The following KANK4 variants were observed in gnomAD, a reference collection of about 807,000 sequenced individuals.
KANK4 encodes the protein KN motif and ankyrin repeat domain-containing protein 4.
In KANK4, 50 loss-of-function variants were observed where a neutral mutation model predicts 80.8. The ratio of observed to expected loss-of-function variants is 0.62; its 90% CI spans 0.49 to 0.78. KANK4 has a LOEUF of 0.78. Among genes scored for constraint, KANK4 ranks in the 30% least tolerant of loss-of-function variants. The probability of loss-of-function intolerance (pLI) is 0.00; values close to 1 mark genes in which losing one functional copy is unlikely to be tolerated. For synonymous variants in KANK4, 465 were observed against 506.9 expected, an observed-to-expected ratio of 0.92 and a Z score of 1.11; for missense variants, 1,196 against 1,240.1, an observed-to-expected ratio of 0.96 and a Z score of 0.53.
chr1:62,249,181 A>G (rs1282246785), intron 8 of KANK4, among the ~76,000 whole-genome samples: 1 of 132,348 alleles, frequency 7.6e-6, no homozygotes, highest in African/African-American at 2.7e-5. Flanking sequence ...AAAAATTAAT[A>G]TAACAATGAT....
At chr1:62,299,750 T>C (rs929202889) in intron 1 of KANK4, among the ~76,000 whole-genome samples, 11 of 150,778 alleles carry the variant, frequency 7.3e-5, no homozygotes, top group African/African-American at 2.4e-4. Context: ...ATGGATTAAT[T>C]CATATTTTGA....
intron 8 of KANK4, 117 bp from the exon 9 acceptor site, chr1:62,247,789 C>G (rs1183832924): frequency 2.8e-5 from 23 of 834,912 alleles, no homozygotes; most frequent in Non-Finnish European, 3.5e-5. Flanking sequence ...ATTTGAATCT[C>G]CTGCCCTTGA....
rs1452798933 is a variant in KANK4 at position 62,237,244 on chromosome 1, A to C, written c.*1033T>G. On this transcript the variant is annotated 3_prime_UTR_variant, in exon 10 of 10. Coordinates refer to ENST00000371153, the MANE Select transcript of KANK4 (RefSeq NM_181712.5). ...AACCTTGCATGTGCTGGCCCCAGGG[A>C]ATATGGAAGCTTCGGAAGGTATTGC... is the stretch of plus-strand genomic sequence containing the variant. 6.6e-6 allele frequency: 1 copy of C among 150,382 alleles called. No individual in the cohort carries two copies. Among genetic ancestry groups the C allele is most frequent in the Non-Finnish European group, 1.5e-5 (1 of 67,876 alleles). 9.3% of individuals were successfully genotyped at this position (150,382 alleles called of 1,614,324 possible).
intron 1 of KANK4, among the ~76,000 whole-genome samples, chr1:62,300,841 C>A (rs1164312945): frequency 6.6e-6 from 1 of 152,070 alleles, no homozygotes; most frequent in Non-Finnish European, 1.5e-5. Flanking sequence ...GAACAACTGA[C>A]TTCAAGAGGG....
chr1:62,259,679 T>C (rs540789523), intron 7 of KANK4, among the ~76,000 whole-genome samples: 29 of 151,510 alleles, frequency 1.9e-4, no homozygotes, highest in African/African-American at 6.5e-4. Context: ...TAAAGTGGGA[T>C]AATCATCCTA....
intron 1 of KANK4, among the ~76,000 whole-genome samples, chr1:62,302,441 T>C (rs981564313): frequency 1.7e-4 from 26 of 152,076 alleles, no homozygotes; most frequent in African/African-American, 6.3e-4. Flanking sequence ...TTTATTATTT[T>C]ATTTCATATT....
At chr1:62,308,048 C>T (rs1429072436) in intron 1 of KANK4, among the ~76,000 whole-genome samples, 6 of 152,152 alleles carry the variant, frequency 3.9e-5, no homozygotes, top group Non-Finnish European at 8.8e-5. Context: ...GTAGGATGCC[C>T]TTTTTTGTCT....
chr1:62,309,291 C>T lies in KANK4; in HGVS notation c.-71+9815G>A, dbSNP rs59016937. Among the ~76,000 whole-genome samples, 276 of 152,294 alleles carry T rather than the reference C, an allele frequency of 1.8e-3. 2 individuals are homozygous for T. The highest frequency in any genetic ancestry group is 6.4e-3 in the African/African-American group (265 of 41,558). Reference sequence around the variant, plus strand: ...TCCACCTTCATGACCTAAGTTACCTCCCAAAGATTGCATGTCCTAATACCA... The same window carrying T: ...TCCACCTTCATGACCTAAGTTACCTTCCAAAGATTGCATGTCCTAATACCA... On this transcript the variant is annotated intron_variant, in intron 1 of 9. Transcript: ENST00000371153.
At chr1:62,267,621 G>A (rs904321369) in intron 5 of KANK4, among the ~76,000 whole-genome samples, 2 of 152,102 alleles carry the variant, frequency 1.3e-5, no homozygotes, top group Non-Finnish European at 2.9e-5. Flanking sequence ...CCAACATAGT[G>A]AAACCTCGTC....
chr1:62,273,373 G>A lies in KANK4; in HGVS notation c.1731C>T (p.Cys577=). 6.2e-7 allele frequency: 1 copy of A among 1,607,712 alleles called. No individual in the cohort carries two copies. The highest frequency in any genetic ancestry group is 1.3e-5 in the African/African-American group (1 of 74,910). ...IQELLQEQWN[C]LEHGYPELAS... ...CCAGCTCCGGGTACCCATGCTCCAG[G>A]CAGTTCCACTGCTCCTGCAGGAGCT... Residue 577 remains cysteine, a synonymous_variant, in exon 3 of 10, where the codon TGC becomes TGT. Coordinates refer to ENST00000371153, the MANE Select transcript of KANK4 (RefSeq NM_181712.5).
intron 1 of KANK4, among the ~76,000 whole-genome samples, chr1:62,316,023 G>C (rs1644537401): frequency 6.6e-6 from 1 of 152,234 alleles, no homozygotes; most frequent in East Asian, 1.9e-4. Flanking sequence ...GCTAAGAAAG[G>C]GGCCAGGCAG....
At position 62,273,411 on chromosome 1, in the gene KANK4, T is replaced by A; in HGVS notation, c.1693A>T (p.Lys565Ter). Residue 565 changes from lysine to a stop codon, truncating the protein, a stop_gained, in exon 3 of 10, where the codon AAG (lysine) becomes TAG (stop). Coordinates refer to ENST00000371153, the MANE Select transcript of KANK4 (RefSeq NM_181712.5). LOFTEE classifies it high-confidence loss of function. Reference sequence around the variant, plus strand: ...TCCTGCAGGAGCTCCTGGATCTTCTTCACATACTGCCCAATAGTGGCATCC... The same window carrying A: ...TCCTGCAGGAGCTCCTGGATCTTCTACACATACTGCCCAATAGTGGCATCC... ...PTDATIGQYV[K>*]KIQELLQEQW... 6.2e-7 allele frequency: 1 copy of A among 1,611,136 alleles called. No individual in the cohort carries two copies. Among genetic ancestry groups the A allele is most frequent in the Non-Finnish European group, 8.5e-7 (1 of 1,178,148 alleles).
At chr1:62,260,623 C>T (rs1671862910) in intron 7 of KANK4, among the ~76,000 whole-genome samples, 1 of 152,176 alleles carries the variant, frequency 6.6e-6, no homozygotes, top group Non-Finnish European at 1.5e-5. Context: ...CTGGTTTCCT[C>T]CCAACATGCC....
chr1:62,254,959 C>T (rs1256947617), intron 7 of KANK4, among the ~76,000 whole-genome samples: 1 of 137,568 alleles, frequency 7.3e-6, no homozygotes, highest in Non-Finnish European at 1.5e-5. Context: ...GATCTTGGTT[C>T]ACTGCAACCT....
At position 62,238,348 on chromosome 1, in the gene KANK4, A is replaced by C. The variant is rs1293770203; in HGVS notation, c.2917T>G (p.Ser973Ala). ...CCAGCAATTTCCATATGGGTGGGTGACTTCAGAGCGATGGACAAAGCTGTG... is the reference window on the plus strand; with the variant it reads ...CCAGCAATTTCCATATGGGTGGGTGCCTTCAGAGCGATGGACAAAGCTGTG... ...GRTALSIALK[S>A]PTHMEIAGLL... The change falls in exon 10 of 10, where the codon TCA becomes GCA. Residue 973 changes from serine to alanine, a missense_variant. This residue lies in a region of KANK4 where 1,154 missense variants were observed against 1,179.6 expected (regional missense o/e 0.98). Transcript: ENST00000371153. 6.2e-7 allele frequency: 1 copy of C among 1,614,066 alleles called. No individual in the cohort carries two copies. The highest frequency in any genetic ancestry group is 1.7e-5 in the Admixed American group (1 of 60,010).
At chr1:62,300,265 C>T (rs1347022155) in intron 1 of KANK4, among the ~76,000 whole-genome samples, 1 of 152,144 alleles carries the variant, frequency 6.6e-6, no homozygotes, top group Non-Finnish European at 1.5e-5. Flanking sequence ...AGAAAAGAGA[C>T]CCTTTTCTGT....
chr1:62,288,651 A>G (rs1398707844), intron 1 of KANK4, among the ~76,000 whole-genome samples: 2 of 151,840 alleles, frequency 1.3e-5, no homozygotes, highest in Non-Finnish European at 2.9e-5. Context: ...TACAAAGCAG[A>G]TGTAATTTTC....
intron 1 of KANK4, among the ~76,000 whole-genome samples, chr1:62,305,737 C>A (rs10157938): frequency 6.6e-6 from 1 of 152,026 alleles, no homozygotes; most frequent in Non-Finnish European, 1.5e-5. Context: ...GAAGAAAAAT[C>A]GGGAATCCAA....
Position 62,274,904 on chromosome 1 carries a change from C to T in KANK4, c.200G>A (p.Ser67Asn). ...AAGGCTGAAGTTTCGGGGCAGAGTG[C>T]TAAATTTGGCCTGCTTGGCCCTTCT... ...IHRRAKQAKF[S>N]TLPRNFSLPD... Residue 67 changes from serine (S) to asparagine (N), a missense_variant, in exon 3 of 10, where the codon AGC (serine) becomes AAC (asparagine). Ser to Asn is a conservative substitution (Grantham distance 46, BLOSUM62 1). This residue lies in a region of KANK4 where 1,154 missense variants were observed against 1,179.6 expected (regional missense o/e 0.98). Coordinates refer to ENST00000371153, the MANE Select transcript of KANK4 (RefSeq NM_181712.5). 1.2e-6 allele frequency: 2 copies of T among 1,614,168 alleles called. No individual in the cohort carries two copies. Among genetic ancestry groups the T allele is most frequent in the Non-Finnish European group, 1.7e-6 (2 of 1,180,030 alleles).
Sources: allele counts gnomAD v4.1 joint callset (sites outside exome capture counted in the v4.1 genomes callset), GRCh38; gene constraint gnomAD v4.1.1; regional missense constraint gnomAD v4.1.1; transcripts MANE v1.5; gene names NCBI Gene and HGNC (gene_info 2026-07-23, HGNC 2026-07-21).